The following MCM2 variants were observed in gnomAD, a reference collection of about 807,000 sequenced individuals.
MCM2 encodes DNA replication licensing factor MCM2.
Under a neutral mutation model 86.4 loss-of-function variants are expected in MCM2, and 49 were observed. The observed-to-expected ratio is 0.57, with a 90% CI of 0.45 to 0.72. The LOEUF is 0.72. Ranked by LOEUF, MCM2 falls within the 30% of genes least tolerant of loss-of-function variation. The probability of loss-of-function intolerance (pLI) is 0.00; values close to 1 mark genes in which losing one functional copy is unlikely to be tolerated. For missense variants in MCM2, 1,038 were observed against 1,259.9 expected (o/e 0.82, Z 2.67); for synonymous variants, 475 against 484.6 (o/e 0.98, Z 0.26).
chr3:127,621,852 AC>A lies in MCM2; in HGVS notation c.*81del. ...GCCCTCTGTGCTTTATGGACACAAA[AC>A]CAGAGCACTTGATGAACTCGGGGTA... On this transcript the variant is annotated 3_prime_UTR_variant, in exon 16 of 16. Coordinates refer to ENST00000265056, the MANE Select transcript of MCM2 (RefSeq NM_004526.4). 9.6e-7 allele frequency: 1 copy of A among 1,039,842 alleles called. No homozygotes were observed. The highest frequency in any genetic ancestry group is 1.5e-6 in the Non-Finnish European group (1 of 687,412). 64.4% of individuals were successfully genotyped at this position (1,039,842 alleles called of 1,614,324 possible). A position where few individuals can be genotyped will look rare whatever the true frequency, so the allele number is the denominator to read the frequency against.
In MCM2 at chr3:127,606,433, G is replaced by C. The variant is rs941398420; in HGVS notation, c.893+96G>C. ...AGCGATTGTGGTGTGGGCGGGGAGG[G>C]TGCAGCCAGCAGCATCCTCATCGCA... On this transcript the variant is annotated intron_variant, in intron 5 of 15. Transcript: ENST00000265056. The surrounding 1 kb of genome is among the most constrained non-coding windows in gnomAD (Gnocchi z 4.2). 1.5e-6 allele frequency: 2 copies of C among 1,318,160 alleles called. No homozygotes were observed. The highest frequency in any genetic ancestry group is 2.1e-6 in the Non-Finnish European group (2 of 939,778). 81.7% of individuals were successfully genotyped at this position (1,318,160 alleles called of 1,614,324 possible).
At position 127,608,834 on chromosome 3, in the gene MCM2, G is replaced by A. The variant is rs187407254; in HGVS notation, c.1239G>A (p.Glu413=). ...VDSCKPGDEI[E]LTGIYHNNYD... ...TCTTGGCCCCTCCCTTTCCCCAGGA[G>A]CTGACTGGCATCTATCACAACAACT... The change falls in exon 8 of 16, where the codon GAG becomes GAA. Residue 413 remains glutamate (E), a splice_region_variant and synonymous_variant. Coordinates refer to ENST00000265056, the MANE Select transcript of MCM2 (RefSeq NM_004526.4). 8.7e-6 allele frequency: 14 copies of A among 1,613,872 alleles called. No homozygotes were observed. In the African/African-American group the frequency reaches 1.9e-4, roughly 22 times the overall value.
In MCM2 at chr3:127,619,050, G is replaced by C. The variant is rs749804773; in HGVS notation, c.2037G>C (p.Val679=). ...PVQDEMLARF[V]VGSHVRHHPS... ...AGGACGAGATGCTGGCCCGCTTCGT[G>C]GTGGGCAGCCACGTCAGACACCACC... The change falls in exon 13 of 16, where the codon GTG becomes GTC. Residue 679 remains valine (V), a synonymous_variant. Coordinates refer to ENST00000265056, the MANE Select transcript of MCM2 (RefSeq NM_004526.4). The C allele has an allele frequency of 1.9e-6, 3 of 1,607,528 alleles. No individual in the cohort carries two copies. Among genetic ancestry groups the C allele is most frequent in the Non-Finnish European group, 1.7e-6 (2 of 1,175,480 alleles).
intron 1 of MCM2, 84 bp from the exon 2 acceptor site, chr3:127,599,234 G>C (rs1231826865): frequency 9.0e-6 from 10 of 1,105,154 alleles, no homozygotes; most frequent in Non-Finnish European, 1.4e-5. Flanking sequence ...AGAGAAAGAA[G>C]GGAAGGCCCC....
chr3:127,620,995 G>C, intron 14 of MCM2, 78 bp from the exon 15 acceptor site: 1 of 1,582,894 alleles, frequency 6.3e-7, no homozygotes, highest in South Asian at 1.2e-5. Flanking sequence ...TGTCTGACCT[G>C]GGTGCTGGCA....
intron 1 of MCM2, 158 bp from the exon 2 acceptor site, chr3:127,599,160 G>T: frequency 2.9e-6 from 2 of 690,298 alleles, no homozygotes; most frequent in East Asian, 5.0e-5. Context: ...TGAGAGAACA[G>T]CAAGGGCAAA....
chr3:127,606,323 G>A lies in MCM2; in HGVS notation c.879G>A (p.Glu293=), dbSNP rs777710311. ...VRISHLPLVE[E]LRSLRQLHLN... is the part of the protein sequence containing the mutation. ...TCTCCCACCTGCCTCTGGTGGAGGAGCTGCGCTCGCTGAGGTGAGCTGAGG... is the reference window on the plus strand; with the variant it reads ...TCTCCCACCTGCCTCTGGTGGAGGAACTGCGCTCGCTGAGGTGAGCTGAGG... Residue 293 remains glutamate, a synonymous_variant, in exon 5 of 16, where the codon GAG becomes GAA. Coordinates refer to ENST00000265056, the MANE Select transcript of MCM2 (RefSeq NM_004526.4). The surrounding 1 kb of genome is among the most constrained non-coding windows in gnomAD (Gnocchi z 4.2). 1.2e-6 allele frequency: 2 copies of A among 1,614,264 alleles called. No homozygotes were observed. The highest frequency in any genetic ancestry group is 1.7e-6 in the Non-Finnish European group (2 of 1,180,042).
Position 127,617,062 on chromosome 3 carries a change from G to C in MCM2, c.1717G>C (p.Ala573Pro), listed in dbSNP as rs751854368. The change falls in exon 10 of 16, where the codon GCT becomes CCT. Residue 573 changes from alanine to proline, a missense_variant. By Grantham distance (27) the Ala-to-Pro change is conservative. Transcript: ENST00000265056. The surrounding 1 kb of genome is among the most constrained non-coding windows in gnomAD (Gnocchi z 4.1). ...TGTCAGCAGGGAGTGGACCTTGGAGGCTGGGGCCCTGGTTCTGGCTGACCG... is the reference window on the plus strand; with the variant it reads ...TGTCAGCAGGGAGTGGACCTTGGAGCCTGGGGCCCTGGTTCTGGCTGACCG... The part of the protein sequence containing the change: ...HPVSREWTLE[A>P]GALVLADRGV... 1 of 1,614,120 alleles carries C rather than the reference G, an allele frequency of 6.2e-7. No homozygotes were observed. The highest frequency in any genetic ancestry group is 1.3e-5 in the African/African-American group (1 of 74,942).
chr3:127,605,779 C>T (rs1172871153), intron 4 of MCM2, among the ~76,000 whole-genome samples: 2 of 152,028 alleles, frequency 1.3e-5, no homozygotes, highest in Non-Finnish European at 2.9e-5. Flanking sequence ...ATCTTGATTC[C>T]TGCAATTCCT....
Position 127,606,517 on chromosome 3 carries a change from G to T in MCM2, c.894-93G>T, listed in dbSNP as rs1576413919. On this transcript the variant is annotated intron_variant, in intron 5 of 15. Transcript: ENST00000265056. This position sits in a 1 kb window ranked among gnomAD's most constrained non-coding sequence, Gnocchi z 4.2. ...GGGATCTTCCCGGGCTGGGGGCTGG[G>T]CCCAATTTCCAGGACAGTGTGTTGG... The T allele has an allele frequency of 7.5e-7, 1 of 1,336,410 alleles. No homozygotes were observed. The highest frequency in any genetic ancestry group is 1.1e-6 in the Non-Finnish European group (1 of 949,282). 82.8% of individuals were successfully genotyped at this position (1,336,410 alleles called of 1,614,324 possible).
intron 8 of MCM2, among the ~76,000 whole-genome samples, chr3:127,613,931 G>A (rs1399383745): frequency 6.6e-6 from 1 of 152,228 alleles, no homozygotes; most frequent in African/African-American, 2.4e-5. Flanking sequence ...AGAGCCCAGA[G>A]GGGGCCAGAC....
intron 2 of MCM2, among the ~76,000 whole-genome samples, chr3:127,602,840 G>T (rs932450146): frequency 6.6e-6 from 1 of 152,186 alleles, no homozygotes; most frequent in Non-Finnish European, 1.5e-5. Context: ...GATGGGGAAA[G>T]TACAGGGAGA....
chr3:127,614,787 C>T (rs1252737538), intron 8 of MCM2, among the ~76,000 whole-genome samples: 1 of 152,156 alleles, frequency 6.6e-6, no homozygotes, highest in Non-Finnish European at 1.5e-5. Context: ...TCAAGTGTCC[C>T]TTTTTTGCCA....
intron 8 of MCM2, among the ~76,000 whole-genome samples, chr3:127,610,616 G>A (rs369219853): frequency 6.6e-5 from 10 of 152,200 alleles, no homozygotes; most frequent in East Asian, 1.9e-4. Flanking sequence ...TCCTTGAGGC[G>A]TGTATTCCAA....
At position 127,617,536 on chromosome 3, in the gene MCM2, T is replaced by G; in HGVS notation, c.1900+131T>G. 5 of 1,158,230 alleles carry G rather than the reference T, an allele frequency of 4.3e-6. No individual in the cohort carries two copies. The highest frequency in any genetic ancestry group is 5.9e-6 in the Non-Finnish European group (5 of 843,342). 71.7% of individuals were successfully genotyped at this position (1,158,230 alleles called of 1,614,324 possible). On this transcript the variant is annotated intron_variant, in intron 11 of 15. Transcript: ENST00000265056. The surrounding 1 kb of genome is among the most constrained non-coding windows in gnomAD (Gnocchi z 4.1). ...ATTGTGCAGCAGAGGGTTCCCCTCT[T>G]CTGCATATCCTGCCAGAGTGGGGAA...
At chr3:127,605,266 A>G in intron 4 of MCM2, 110 bp downstream of exon 4, 2 of 1,417,448 alleles carry the variant, frequency 1.4e-6, no homozygotes, top group South Asian at 1.4e-5. Flanking sequence ...TATGGCTGAG[A>G]GGTCTGTCAG....
intron 6 of MCM2, among the ~76,000 whole-genome samples, chr3:127,607,268 C>T (rs117501884): frequency 1.3e-5 from 2 of 152,360 alleles, no homozygotes; most frequent in East Asian, 3.9e-4. Context: ...ACCTCCTGCA[C>T]CATATTCAGG....
intron 6 of MCM2, among the ~76,000 whole-genome samples, chr3:127,607,575 G>C (rs2074360964): frequency 6.6e-6 from 1 of 152,250 alleles, no homozygotes; most frequent in South Asian, 2.1e-4. Flanking sequence ...CCAGATGCCA[G>C]CTGAGCCACG....
At position 127,606,911 on chromosome 3, in the gene MCM2, G is replaced by C. The variant is rs1300779255; in HGVS notation, c.1101+94G>C. The C allele has an allele frequency of 6.4e-6, 8 of 1,254,354 alleles. No homozygotes were observed. The highest frequency in any genetic ancestry group is 9.2e-6 in the Non-Finnish European group (8 of 868,006). 77.7% of individuals were successfully genotyped at this position (1,254,354 alleles called of 1,614,324 possible). On this transcript the variant is annotated intron_variant, in intron 6 of 15. Coordinates refer to ENST00000265056, the MANE Select transcript of MCM2 (RefSeq NM_004526.4). The surrounding 1 kb of genome is among the most constrained non-coding windows in gnomAD (Gnocchi z 4.2). ...CTCTCAGGCTGTGGAAGACCAGTGT[G>C]GGCAGCCGCAAGAAGCAAGATAGAA...
Sources: allele counts gnomAD v4.1 joint callset (sites outside exome capture counted in the v4.1 genomes callset), GRCh38; gene constraint gnomAD v4.1.1; non-coding constraint Gnocchi (gnomAD v3.1); transcripts MANE v1.5; gene names NCBI Gene and HGNC (gene_info 2026-07-23, HGNC 2026-07-21).